Variants in SNX3 observed in about 807,000 individuals in gnomAD.
The protein encoded by SNX3 is sorting nexin-3.
SNX3 carries 5 observed loss-of-function variants against 17.7 expected under a neutral mutation model. That is an observed-to-expected ratio of 0.28 (90% CI 0.15 to 0.59). The LOEUF (loss-of-function observed/expected upper bound fraction) is 0.59, where lower values mean the gene tolerates loss of function less well. Among genes scored for constraint, SNX3 ranks in the 20% least tolerant of loss-of-function variants. The pLI, the probability that SNX3 is intolerant of heterozygous loss-of-function variation, is 0.88. For synonymous variants in SNX3, 91 were observed against 76.5 expected (o/e 1.19, Z -0.99); for missense variants, 132 against 206.8 (o/e 0.64, Z 2.22).
intron 1 of SNX3, among the ~76,000 whole-genome samples, chr6:108,225,277 G>A (rs969779896): frequency 2.6e-5 from 4 of 151,604 alleles, no homozygotes; most frequent in African/African-American, 7.3e-5. Flanking sequence ...GCGAGACTCC[G>A]TCTCCAAAAA....
chr6:108,249,779 C>T (rs377581902), intron 1 of SNX3, among the ~76,000 whole-genome samples: 7 of 152,130 alleles, frequency 4.6e-5, no homozygotes, highest in African/African-American at 1.7e-4. Context: ...TCTAATATTT[C>T]ATTCACCACC....
intron 3 of SNX3, 24 bp downstream of exon 3, chr6:108,214,474 C>T (rs1473743100): frequency 1.2e-6 from 2 of 1,610,976 alleles, no homozygotes; most frequent in Admixed American, 1.7e-5. Context: ...TAGTCCTACA[C>T]TTTGAGGAAT....
At chr6:108,256,359 A>C (rs967820731) in intron 1 of SNX3, among the ~76,000 whole-genome samples, 1 of 152,240 alleles carries the variant, frequency 6.6e-6, no homozygotes, top group African/African-American at 2.4e-5. Flanking sequence ...AAAATCTAAC[A>C]ATTTTAGTAA....
intron 1 of SNX3, among the ~76,000 whole-genome samples, chr6:108,250,584 T>C (rs564014350): frequency 1.9e-4 from 29 of 152,276 alleles, no homozygotes; most frequent in Admixed American, 1.6e-3. Flanking sequence ...TGACAAGATT[T>C]TTCTCTACTT....
intron 1 of SNX3, among the ~76,000 whole-genome samples, chr6:108,224,784 C>A (rs1276478252): frequency 6.6e-6 from 1 of 152,122 alleles, no homozygotes; most frequent in Non-Finnish European, 1.5e-5. Flanking sequence ...AGCTCATAAA[C>A]CCAGAGCTTT....
chr6:108,230,271 T>C (rs911321075), intron 1 of SNX3, among the ~76,000 whole-genome samples: 6 of 152,130 alleles, frequency 3.9e-5, no homozygotes, highest in African/African-American at 7.2e-5. Context: ...TATTCATATT[T>C]TCCCCCTAAT....
At chr6:108,240,735 C>T (rs952456370) in intron 1 of SNX3, among the ~76,000 whole-genome samples, 2 of 152,100 alleles carry the variant, frequency 1.3e-5, no homozygotes, top group Non-Finnish European at 2.9e-5. Flanking sequence ...GCTAATATTG[C>T]GGCAACCCAA....
chr6:108,222,186 C>A, intron 2 of SNX3: 2 of 1,297,232 alleles, frequency 1.5e-6, no homozygotes, highest in South Asian at 2.5e-5. Context: ...TACAGACTAG[C>A]CTTCATCTAG....
At chr6:108,234,250 T>A (rs1407065511) in intron 1 of SNX3, among the ~76,000 whole-genome samples, 2 of 151,424 alleles carry the variant, frequency 1.3e-5, no homozygotes, top group East Asian at 3.9e-4. Flanking sequence ...TATATATATA[T>A]ATATAACATA....
intron 1 of SNX3, among the ~76,000 whole-genome samples, chr6:108,254,167 C>G (rs1217662419): frequency 6.6e-6 from 1 of 151,478 alleles, no homozygotes; most frequent in African/African-American, 2.4e-5. Context: ...AACCCCACCC[C>G]ACCCCAGTAA....
intron 1 of SNX3, among the ~76,000 whole-genome samples, chr6:108,230,952 C>T (rs1287156145): frequency 2.6e-5 from 4 of 152,214 alleles, no homozygotes; most frequent in Middle Eastern, 3.4e-3. Context: ...TACTTAGTAA[C>T]ATTTCTTTGG....
intron 1 of SNX3, chr6:108,252,204 G>A (rs1199378651): frequency 6.6e-6 from 1 of 152,308 alleles, no homozygotes; most frequent in Non-Finnish European, 1.5e-5. Flanking sequence ...AGGAAGGGAT[G>A]GCAGGCACCA....
At chr6:108,231,199 C>A (rs1359358071) in intron 1 of SNX3, among the ~76,000 whole-genome samples, 2 of 151,922 alleles carry the variant, frequency 1.3e-5, no homozygotes, top group Non-Finnish European at 2.9e-5. Flanking sequence ...CCGCCTCCTG[C>A]CTCAGCCTTC....
At chr6:108,235,762 G>A (rs1456662562) in intron 1 of SNX3, among the ~76,000 whole-genome samples, 3 of 152,130 alleles carry the variant, frequency 2.0e-5, no homozygotes, top group Non-Finnish European at 2.9e-5. Flanking sequence ...CGGGCATGGT[G>A]GTGCATGCCT....
At chr6:108,215,614 G>A (rs1263564541) in intron 2 of SNX3, among the ~76,000 whole-genome samples, 1 of 152,114 alleles carries the variant, frequency 6.6e-6, no homozygotes, top group African/African-American at 2.4e-5. Context: ...AACTCCTGCT[G>A]ATCTCTCCCT....
intron 1 of SNX3, among the ~76,000 whole-genome samples, chr6:108,249,433 A>T (rs575524086): frequency 9.2e-5 from 14 of 152,230 alleles, no homozygotes; most frequent in African/African-American, 3.1e-4. Context: ...AAAAAGAAAA[A>T]AATAATAAAT....
chr6:108,259,597 C>A (rs1490531627), intron 1 of SNX3, among the ~76,000 whole-genome samples: 1 of 152,210 alleles, frequency 6.6e-6, no homozygotes. Context: ...CTATTCGTTT[C>A]ATATCTTAAA....
At chr6:108,259,670 G>T (rs1233820162) in intron 1 of SNX3, among the ~76,000 whole-genome samples, 1 of 152,164 alleles carries the variant, frequency 6.6e-6, no homozygotes, top group African/African-American at 2.4e-5. Context: ...AAATACTTAA[G>T]TTTCACAACA....
chr6:108,251,385 G>A (rs1267359893), intron 1 of SNX3, among the ~76,000 whole-genome samples: 1 of 152,158 alleles, frequency 6.6e-6, no homozygotes, highest in Non-Finnish European at 1.5e-5. Context: ...TGTTAATGTG[G>A]CAAAGCAAAG....
Sources: allele counts gnomAD v4.1 joint callset (sites outside exome capture counted in the v4.1 genomes callset), GRCh38; gene constraint gnomAD v4.1.1; transcripts MANE v1.5; gene names NCBI Gene and HGNC (gene_info 2026-07-23, HGNC 2026-07-21).